PCDH15: variants seen among roughly 807,000 people sequenced by gnomAD.
The protein encoded by PCDH15 is protocadherin-15.
In PCDH15, 129 loss-of-function variants were observed where a neutral mutation model predicts 178.5. The observed-to-expected ratio is 0.72, with a 90% CI of 0.63 to 0.84. The LOEUF (loss-of-function observed/expected upper bound fraction) is 0.84, where lower values mean the gene tolerates loss of function less well. Among genes scored for constraint, PCDH15 ranks in the 40% least tolerant of loss-of-function variants. The probability of loss-of-function intolerance (pLI) is 0.00; values close to 1 mark genes in which losing one functional copy is unlikely to be tolerated. For synonymous variants in PCDH15, 800 were observed against 732.0 expected (o/e 1.09, Z -1.50); for missense variants, 2,230 against 2,099.9 (o/e 1.06, Z -1.21).
chr10:55,104,296 G>T (rs868165240), intron 2 of PCDH15, among the ~76,000 whole-genome samples: 5 of 151,778 alleles, frequency 3.3e-5, no homozygotes, highest in African/African-American at 9.7e-5. Context: ...CTGGGAACTT[G>T]TCTGCTGCGT....
chr10:55,428,758 T>C (rs1268507831), intron 2 of PCDH15, among the ~76,000 whole-genome samples: 2 of 151,978 alleles, frequency 1.3e-5, no homozygotes, highest in African/African-American at 4.8e-5. Flanking sequence ...GTTATTTGTT[T>C]CCTATTAAAA....
chr10:53,998,386 G>A (rs1218935422), intron 20 of PCDH15, among the ~76,000 whole-genome samples: 2 of 152,034 alleles, frequency 1.3e-5, no homozygotes, highest in African/African-American at 2.4e-5. Context: ...CCTGCAATTT[G>A]TTTCCATGTG....
At chr10:54,173,724 G>A (rs549774828) in intron 13 of PCDH15, among the ~76,000 whole-genome samples, 267 of 152,182 alleles carry the variant, frequency 1.8e-3, no homozygotes, top group African/African-American at 5.7e-3. Flanking sequence ...AGAAAAAGAA[G>A]AAAAGTATGC....
At chr10:54,992,762 A>T (rs1289104746) in intron 2 of PCDH15, among the ~76,000 whole-genome samples, 1 of 151,862 alleles carries the variant, frequency 6.6e-6, no homozygotes, top group Non-Finnish European at 1.5e-5. Context: ...CTCAAGAAAA[A>T]AAAAAAAAAA....
intron 3 of PCDH15, among the ~76,000 whole-genome samples, chr10:54,523,340 C>T (rs539883479): frequency 7.9e-5 from 12 of 152,066 alleles, no homozygotes; most frequent in South Asian, 4.1e-4. Context: ...TTTAACAGTG[C>T]GTAGATTATA....
intron 2 of PCDH15, among the ~76,000 whole-genome samples, chr10:54,990,299 A>AT (rs960114573): frequency 2.0e-5 from 3 of 152,002 alleles, no homozygotes; most frequent in Non-Finnish European, 2.9e-5. Flanking sequence ...AGAAAATACC[A>AT]TTTTTTTTAA....
intron 1 of PCDH15, among the ~76,000 whole-genome samples, chr10:54,713,844 C>T (rs1353422156): frequency 1.3e-5 from 2 of 152,098 alleles, no homozygotes; most frequent in Admixed American, 6.6e-5. Context: ...AAGGTTAAAT[C>T]CTTTCACCAC....
chr10:55,418,150 G>A (rs1405914424), intron 2 of PCDH15, among the ~76,000 whole-genome samples: 1 of 151,536 alleles, frequency 6.6e-6, no homozygotes, highest in Non-Finnish European at 1.5e-5. Context: ...TAAATAAAGG[G>A]TATAACATCA....
intron 26 of PCDH15, among the ~76,000 whole-genome samples, chr10:53,899,323 T>C (rs2082173275): frequency 6.6e-6 from 1 of 152,112 alleles, no homozygotes; most frequent in Non-Finnish European, 1.5e-5. Flanking sequence ...AGATATACAA[T>C]TGTCTTTATT....
chr10:55,562,634 G>A (rs1842224046), intron 2 of PCDH15, among the ~76,000 whole-genome samples: 2 of 152,060 alleles, frequency 1.3e-5, no homozygotes, highest in South Asian at 2.1e-4. Flanking sequence ...TGAAATCAAT[G>A]CTCAGGAGTA....
intron 2 of PCDH15, among the ~76,000 whole-genome samples, chr10:54,602,020 T>G (rs1394775901): frequency 6.6e-6 from 1 of 151,738 alleles, no homozygotes; most frequent in Non-Finnish European, 1.5e-5. Context: ...CTGAAAAAAG[T>G]AGTTATTAGC....
intron 1 of PCDH15, among the ~76,000 whole-genome samples, chr10:54,735,294 T>G (rs1265340581): frequency 1.3e-5 from 2 of 152,110 alleles, no homozygotes; most frequent in Admixed American, 1.3e-4. Context: ...GTGTATTTTC[T>G]GTGTCAGTCA....
intron 3 of PCDH15, among the ~76,000 whole-genome samples, chr10:54,463,586 T>C (rs1485864608): frequency 6.6e-6 from 1 of 152,098 alleles, no homozygotes; most frequent in Non-Finnish European, 1.5e-5. Flanking sequence ...CAAGTAAACA[T>C]AAACTTTTAA....
At chr10:53,818,205 A>G in intron 33 of PCDH15, 192 bp from the exon 34 acceptor site, 1 of 377,268 alleles carries the variant, frequency 2.7e-6, no homozygotes, top group Non-Finnish European at 4.7e-6. Flanking sequence ...TCACACCTGA[A>G]TTACTAAAAT....
At chr10:55,128,664 C>T (rs1357730091) in intron 2 of PCDH15, among the ~76,000 whole-genome samples, 2 of 151,994 alleles carry the variant, frequency 1.3e-5, no homozygotes, top group East Asian at 1.9e-4. Flanking sequence ...TTTTCCTTGC[C>T]TCACTCTGCC....
chr10:54,840,970 A>G (rs1953407730), intron 3 of PCDH15, among the ~76,000 whole-genome samples: 1 of 151,852 alleles, frequency 6.6e-6, no homozygotes, highest in African/African-American at 2.4e-5. Flanking sequence ...CAGCAGTACA[A>G]TAATAGTAAG....
chr10:55,216,247 G>T (rs909885444), intron 1 of PCDH15, among the ~76,000 whole-genome samples: 3 of 151,918 alleles, frequency 2.0e-5, no homozygotes, highest in African/African-American at 7.3e-5. Context: ...TCATATTTGG[G>T]TCTGAAATAA....
intron 4 of PCDH15, among the ~76,000 whole-genome samples, chr10:54,372,986 C>A (rs1231590676): frequency 1.3e-5 from 2 of 150,934 alleles, no homozygotes; most frequent in East Asian, 3.9e-4. Flanking sequence ...AATTTTCCCA[C>A]AAAAATGTAA....
chr10:54,571,206 G>A (rs1396470873), intron 2 of PCDH15, among the ~76,000 whole-genome samples: 1 of 151,930 alleles, frequency 6.6e-6, no homozygotes, highest in Non-Finnish European at 1.5e-5. Context: ...CAAGACAGGA[G>A]ATGCAAGCAA....
Sources: gnomAD v4.1 joint callset for allele counts (sites outside exome capture counted in the v4.1 genomes callset) on GRCh38, gnomAD v4.1.1 for gene constraint, MANE v1.5 for transcripts, NCBI Gene and HGNC (gene_info 2026-07-23, HGNC 2026-07-21) for gene names.